EIF5B: variants seen among roughly 807,000 people sequenced by gnomAD.
EIF5B encodes eIF-5B.
Under a neutral mutation model 147.5 loss-of-function variants are expected in EIF5B, and 47 were observed. The observed-to-expected ratio is 0.32, with a 90% CI of 0.25 to 0.41. EIF5B has a LOEUF of 0.41. EIF5B is among the 10% of genes least tolerant of loss of function. EIF5B has a pLI of 1.00. For missense variants in EIF5B, 1,064 were observed against 1,413.2 expected (o/e 0.75, Z 3.96); for synonymous variants, 455 against 456.2 (o/e 1.00, Z 0.03).
At chr2:99,384,684 T>C (rs902432001) in intron 14 of EIF5B, among the ~76,000 whole-genome samples, 6 of 152,204 alleles carry the variant, frequency 3.9e-5, no homozygotes, top group Admixed American at 1.3e-4. Flanking sequence ...TCAACTCTCA[T>C]GTATGACTTT....
chr2:99,382,337 C>A, intron 13 of EIF5B, 111 bp downstream of exon 13: 1 of 805,628 alleles, frequency 1.2e-6, no homozygotes, highest in Non-Finnish European at 2.0e-6. Context: ...CTATAACTAC[C>A]ACTCCACCTT....
chr2:99,380,513 C>A (rs1298774332), intron 12 of EIF5B, among the ~76,000 whole-genome samples: 1 of 152,196 alleles, frequency 6.6e-6, no homozygotes, highest in Non-Finnish European at 1.5e-5. Context: ...TGGTTGCATT[C>A]ATGCTGTCTG....
chr2:99,365,909 A>G (rs1218217300), intron 6 of EIF5B, among the ~76,000 whole-genome samples: 2 of 152,096 alleles, frequency 1.3e-5, no homozygotes, highest in Non-Finnish European at 2.9e-5. Flanking sequence ...GTTTCATCGT[A>G]TGTTTGAAAG....
chr2:99,360,152 A>G (rs1270446240), intron 1 of EIF5B, 84 bp from the exon 2 acceptor site: 2 of 1,470,956 alleles, frequency 1.4e-6, no homozygotes, highest in African/African-American at 1.4e-5. Flanking sequence ...AATGCATGAA[A>G]AAGGTTAAAA....
At chr2:99,361,873 GTTGTAATCA>G (rs1674222310) in intron 4 of EIF5B, 53 bp downstream of exon 4, 1 of 1,443,742 alleles carries the variant, frequency 6.9e-7, no homozygotes, top group Non-Finnish European at 9.1e-7. Flanking sequence ...CACAGTATAA[GTTGTAATCA>G]TTGTGCCCCA....
intron 6 of EIF5B, 144 bp downstream of exon 6, chr2:99,364,565 T>C (rs1041871716): frequency 2.8e-6 from 2 of 716,328 alleles, no homozygotes; most frequent in Non-Finnish European, 4.4e-6. Flanking sequence ...ACGTAAGGAA[T>C]AGGTGATGTC....
chr2:99,399,179 C>A, intron 23 of EIF5B, 128 bp from the exon 24 acceptor site: 1 of 914,710 alleles, frequency 1.1e-6, no homozygotes. Context: ...CTCCCTTAGG[C>A]AGGCAAGCCC....
At chr2:99,345,559 G>T (rs1459793437) in intron 1 of EIF5B, among the ~76,000 whole-genome samples, 2 of 144,428 alleles carry the variant, frequency 1.4e-5, no homozygotes, top group Non-Finnish European at 3.0e-5. Context: ...GCACCACTGC[G>T]CTCCAGCCTG....
At chr2:99,362,653 C>T (rs908619759) in intron 4 of EIF5B, among the ~76,000 whole-genome samples, 9 of 151,882 alleles carry the variant, frequency 5.9e-5, no homozygotes, top group African/African-American at 1.9e-4. Flanking sequence ...GAGCGGAGAT[C>T]GCACCACTGC....
At position 99,340,413 on chromosome 2, in the gene EIF5B, G is replaced by T. The variant is rs187541193; in HGVS notation, c.35+2824G>T. Among the ~76,000 whole-genome samples the T allele has an allele frequency of 4.3e-3, 650 of 152,216 alleles. 8 individuals carry two copies. Among genetic ancestry groups the T allele is most frequent in the African/African-American group, 0.015 (620 of 41,540 alleles). ...CCTGGGTGAAGGTCCACACTTTAAA[G>T]ATTTTACTGTCATTCCACCTCCCCT... On this transcript the variant is annotated intron_variant, in intron 1 of 23. Transcript: ENST00000289371.
Position 99,390,672 on chromosome 2 carries a change from G to GT in EIF5B, c.2717dup (p.Leu906PhefsTer15). 1 of 1,609,222 alleles carries GT rather than the reference G, an allele frequency of 6.2e-7. No homozygotes were observed. Among genetic ancestry groups the GT allele is most frequent in the Non-Finnish European group, 8.5e-7 (1 of 1,175,922 alleles). ...TTGTAACTCAGATTCGAGGCCTCCT[G>GT]TTACCTCCTCCTATGAAGGAATTAC... is the stretch of plus-strand genomic sequence containing the variant. On this transcript the variant is annotated frameshift_variant, in exon 17 of 24. Transcript: ENST00000289371. LOFTEE classifies it high-confidence loss of function.
chr2:99,369,403 A>T lies in EIF5B; in HGVS notation c.1399A>T (p.Met467Leu). The T allele has an allele frequency of 1.2e-6, 2 of 1,610,190 alleles. No homozygotes were observed. Among genetic ancestry groups the T allele is most frequent in the South Asian group, 2.2e-5 (2 of 90,362 alleles). ...TGCCCCTTTTTCAGTGTCTGAATCA[A>T]TGGAATTATGTGCTGCTGTAGAAGT... The part of the protein sequence containing the change: ...QLESKEVSES[M>L]ELCAAVEVME... Residue 467 changes from methionine (M) to leucine (L), a missense_variant, in exon 8 of 24, where the codon ATG (methionine) becomes TTG (leucine). By Grantham distance (15) the Met-to-Leu change is conservative. Coordinates refer to ENST00000289371, the MANE Select transcript of EIF5B (RefSeq NM_015904.4).
At chr2:99,356,305 T>G (rs1674095227) in intron 1 of EIF5B, among the ~76,000 whole-genome samples, 2 of 152,178 alleles carry the variant, frequency 1.3e-5, no homozygotes, top group Admixed American at 1.3e-4. Context: ...CTTTCTATAT[T>G]GTACTCTTTG....
chr2:99,401,054 AT>A lies in EIF5B; in HGVS notation c.*1642del, dbSNP rs1409327094. ...ATAGAATCTATGCTACAGTAAAATA[AT>A]TAACACAATTATTTACATGCAATAC... On this transcript the variant is annotated 3_prime_UTR_variant, in exon 24 of 24. Transcript: ENST00000289371. The A allele has an allele frequency of 2.5e-6, 1 of 395,344 alleles. No individual in the cohort carries two copies. Among genetic ancestry groups the A allele is most frequent in the Non-Finnish European group, 4.4e-6 (1 of 229,002 alleles). The allele number at this position is 395,344 out of a possible 1,614,324, so 24.5% of individuals were successfully genotyped here. A position where few individuals can be genotyped will look rare whatever the true frequency, so the allele number is the denominator to read the frequency against.
chr2:99,361,539 A>G lies in EIF5B; in HGVS notation c.638A>G (p.Glu213Gly), dbSNP rs944401908. The change falls in exon 4 of 24, where the codon GAA becomes GGA. Residue 213 changes from glutamate (E) to glycine (G), a missense_variant. This residue lies in a region of EIF5B where 458 missense variants were observed against 451.3 expected (regional missense o/e 1.01). Coordinates refer to ENST00000289371, the MANE Select transcript of EIF5B (RefSeq NM_015904.4). The part of the protein sequence containing the change: ...NQKNKPGPNI[E>G]SGNEDDDASF... ...AAAAACAAGCCAGGTCCTAACATAG[A>G]AAGTGGGAATGAAGATGATGACGCC... The G allele has an allele frequency of 6.2e-7, 1 of 1,613,950 alleles. No homozygotes were observed. Among genetic ancestry groups the G allele is most frequent in the Admixed American group, 1.7e-5 (1 of 59,978 alleles).
chr2:99,385,263 T>G (rs1246497945), intron 14 of EIF5B, among the ~76,000 whole-genome samples: 1 of 152,224 alleles, frequency 6.6e-6, no homozygotes, highest in African/African-American at 2.4e-5. Context: ...TCAGGCTGTC[T>G]TGAACTTCCG....
At chr2:99,338,184 TCG>T in intron 1 of EIF5B, 2 of 558,294 alleles carry the variant, frequency 3.6e-6, no homozygotes, top group Admixed American at 3.1e-5. Context: ...TTTTTTTTTG[TCG>T]TTTCTTTGCT....
At chr2:99,375,738 A>G (rs1205983913) in intron 9 of EIF5B, among the ~76,000 whole-genome samples, 2 of 152,212 alleles carry the variant, frequency 1.3e-5, no homozygotes, top group African/African-American at 4.8e-5. Context: ...GTTTTAGCAT[A>G]TAGACAAACA....
At chr2:99,367,497 C>T (rs900544096) in intron 6 of EIF5B, among the ~76,000 whole-genome samples, 20 of 150,474 alleles carry the variant, frequency 1.3e-4, no homozygotes, top group African/African-American at 4.4e-4. Context: ...ATTGCAGTGG[C>T]GCAATCTCAG....
Sources: allele counts gnomAD v4.1 joint callset (sites outside exome capture counted in the v4.1 genomes callset), GRCh38; gene constraint gnomAD v4.1.1; regional missense constraint gnomAD v4.1.1; transcripts MANE v1.5; gene names NCBI Gene and HGNC (gene_info 2026-07-23, HGNC 2026-07-21).